Variants in MMS22L observed in about 807,000 individuals in gnomAD.
The protein encoded by MMS22L is MMS22 like, DNA repair protein.
In MMS22L, 74 loss-of-function variants were observed where a neutral mutation model predicts 159.1. That is an observed-to-expected ratio of 0.47 (90% CI 0.39 to 0.56). The LOEUF (loss-of-function observed/expected upper bound fraction) is 0.56. Ranked by LOEUF, MMS22L falls within the 20% of genes least tolerant of loss-of-function variation. The pLI is 0.00. For missense variants in MMS22L, 1,351 were observed against 1,422.1 expected, an observed-to-expected ratio of 0.95 and a Z score of 0.80; for synonymous variants, 517 against 506.9, an observed-to-expected ratio of 1.02 and a Z score of -0.27.
intron 22 of MMS22L, among the ~76,000 whole-genome samples, chr6:97,154,956 T>C (rs1488736933): frequency 6.6e-6 from 1 of 152,194 alleles, no homozygotes; most frequent in East Asian, 1.9e-4. Context: ...TGTAATTCCA[T>C]ATAAATTAGT....
At position 97,144,121 on chromosome 6, in the gene MMS22L, A is replaced by T; in HGVS notation, c.*2685T>A. The T allele has an allele frequency of 6.8e-6, 1 of 147,062 alleles. No individual in the cohort carries two copies. The highest frequency in any genetic ancestry group is 1.5e-5 in the Non-Finnish European group (1 of 67,922). The allele number at this position is 147,062 out of a possible 1,614,324, so 9.1% of individuals were successfully genotyped here. ...CAACAACAACAAAAAAAAAAAAAAA[A>T]AAAAAAAGAGAGAGAAAAGCTGGAG... On this transcript the variant is annotated 3_prime_UTR_variant, in exon 25 of 25. Transcript: ENST00000683635.
chr6:97,231,450 TGAG>T lies in MMS22L; in HGVS notation c.1502_1504del (p.Pro501del). 6.2e-7 allele frequency: 1 copy of T among 1,613,594 alleles called. No individual in the cohort carries two copies. Among genetic ancestry groups the T allele is most frequent in the Non-Finnish European group, 8.5e-7 (1 of 1,179,710 alleles). ...CCTTCCTTTGACTTGTTTCCAAGGA[TGAG>T]GGCCATTGCTCTTCATTGCTTTTTT... On this transcript the variant is annotated inframe_deletion, in exon 13 of 25. Transcript: ENST00000683635.
chr6:97,254,868 G>GCCCAT, intron 9 of MMS22L, 135 bp from the exon 10 acceptor site: 1 of 658,972 alleles, frequency 1.5e-6, no homozygotes, highest in Non-Finnish European at 2.4e-6. Flanking sequence ...TAATAAAAAT[G>GCCCAT]CCCAGGTTAA....
intron 14 of MMS22L, among the ~76,000 whole-genome samples, chr6:97,217,239 A>T (rs1446963351): frequency 1.3e-5 from 2 of 152,018 alleles, no homozygotes; most frequent in Middle Eastern, 3.2e-3. Context: ...TTTTATTTTT[A>T]ATTCATTATT....
At chr6:97,179,673 T>G (rs1001913453) in intron 16 of MMS22L, 114 bp from the exon 17 acceptor site, 8 of 895,336 alleles carry the variant, frequency 8.9e-6, no homozygotes, top group Non-Finnish European at 1.2e-5. Context: ...CTCATTGATT[T>G]TTCAGACAAA....
intron 15 of MMS22L, 91 bp from the exon 16 acceptor site, chr6:97,182,145 T>G: frequency 1.8e-6 from 2 of 1,108,862 alleles, no homozygotes; most frequent in South Asian, 1.8e-5. Context: ...CAAGTGTTTT[T>G]TTTTTTTTTA....
chr6:97,161,673 C>A (rs565716423), intron 22 of MMS22L, among the ~76,000 whole-genome samples: 11 of 152,118 alleles, frequency 7.2e-5, no homozygotes, highest in African/African-American at 2.6e-4. Flanking sequence ...TGATATTTAA[C>A]AAATTGCCTT....
intron 23 of MMS22L, 115 bp downstream of exon 23, chr6:97,151,656 T>C: frequency 1.3e-6 from 1 of 758,114 alleles, no homozygotes; most frequent in Non-Finnish European, 2.2e-6. Context: ...ATAATTGAAA[T>C]ACTATAAACA....
At chr6:97,201,125 C>T (rs1469526648) in intron 14 of MMS22L, among the ~76,000 whole-genome samples, 2 of 152,074 alleles carry the variant, frequency 1.3e-5, no homozygotes, top group African/African-American at 4.8e-5. Context: ...ACCTGCTTTC[C>T]TTTCAGAAAC....
intron 10 of MMS22L, among the ~76,000 whole-genome samples, chr6:97,248,148 A>G (rs1396104509): frequency 6.6e-6 from 1 of 152,226 alleles, no homozygotes; most frequent in Non-Finnish European, 1.5e-5. Flanking sequence ...TGAAGCTTCC[A>G]TCTTTATGAC....
At chr6:97,184,350 A>C (rs541313563) in intron 15 of MMS22L, among the ~76,000 whole-genome samples, 1 of 152,132 alleles carries the variant, frequency 6.6e-6, no homozygotes, top group Non-Finnish European at 1.5e-5. Context: ...TCTATGGGTG[A>C]TCTCATCCAG....
At chr6:97,157,746 T>C (rs1453390425) in intron 22 of MMS22L, among the ~76,000 whole-genome samples, 1 of 152,220 alleles carries the variant, frequency 6.6e-6, no homozygotes, top group East Asian at 1.9e-4. Context: ...GATTTTTGCA[T>C]TGATGTTCAT....
chr6:97,173,023 A>G, intron 19 of MMS22L, 40 bp downstream of exon 19: 6 of 1,594,032 alleles, frequency 3.8e-6, no homozygotes, highest in Admixed American at 1.8e-5. Flanking sequence ...GGCTCAACCT[A>G]AGGAAATGTT....
At position 97,162,012 on chromosome 6, in the gene MMS22L, A is replaced by G. The variant is rs140214306; in HGVS notation, c.3375T>C (p.Ser1125=). 1 of 1,607,372 alleles carries G rather than the reference A, an allele frequency of 6.2e-7. No individual in the cohort carries two copies. Among genetic ancestry groups the G allele is most frequent in the Non-Finnish European group, 8.5e-7 (1 of 1,177,936 alleles). The change falls in exon 22 of 25, where the codon AGT becomes AGC. Residue 1125 remains serine (S), a synonymous_variant. Coordinates refer to ENST00000683635, the MANE Select transcript of MMS22L (RefSeq NM_001350599.2). The stretch of plus-strand genomic sequence containing the variant: ...AGCTTACAAACAAACCTTGTGGTTC[A>G]CTGACTAACACCAAGCATTTTAAAA... ...PGILKCLVLV[S]EPQVKRLATE...
chr6:97,219,484 T>G (rs998761907), intron 14 of MMS22L, among the ~76,000 whole-genome samples: 24 of 152,072 alleles, frequency 1.6e-4, no homozygotes, highest in African/African-American at 5.6e-4. Flanking sequence ...TACAGAACAG[T>G]TGAATTTTTT....
chr6:97,168,630 G>A (rs1803224387), intron 19 of MMS22L, among the ~76,000 whole-genome samples: 1 of 151,980 alleles, frequency 6.6e-6, no homozygotes, highest in Non-Finnish European at 1.5e-5. Context: ...GTGCTCAACT[G>A]GTTAAGTATA....
upstream of MMS22L, chr6:97,283,513 A>G (rs1020206885): frequency 7.2e-5 from 11 of 152,208 alleles, no homozygotes; most frequent in Non-Finnish European, 1.3e-4. Context: ...TGCCTCGTTC[A>G]CACCCACAGT....
Position 97,263,468 on chromosome 6 carries a change from T to A in MMS22L, c.829-20A>T. On this transcript the variant is annotated intron_variant, in intron 8 of 24. Transcript: ENST00000683635. ...CCTAACCTATAGAAAATAACCAAAA[T>A]GTGTTATTTATAAGACAGCAGCAGA... 1 of 1,339,414 alleles carries A rather than the reference T, an allele frequency of 7.5e-7. No homozygotes were observed. The highest frequency in any genetic ancestry group is 1.0e-6 in the Non-Finnish European group (1 of 983,794). The allele number at this position is 1,339,414 out of a possible 1,614,324, so 83.0% of individuals were successfully genotyped here.
chr6:97,263,550 G>A (rs778475724), intron 8 of MMS22L, 102 bp from the exon 9 acceptor site: 2 of 515,868 alleles, frequency 3.9e-6, no homozygotes, highest in Middle Eastern at 4.4e-4. Context: ...AGATGACTAA[G>A]AATTTATTCT....
Sources: allele counts gnomAD v4.1 joint callset (sites outside exome capture counted in the v4.1 genomes callset), GRCh38; gene constraint gnomAD v4.1.1; transcripts MANE v1.5; gene names NCBI Gene and HGNC (gene_info 2026-07-23, HGNC 2026-07-21).